CCDC88B: variants seen among roughly 807,000 people sequenced by gnomAD.
CCDC88B encodes coiled-coil domain-containing protein 88B.
A neutral mutation model predicts 183.7 loss-of-function variants in CCDC88B; 138 were observed. The ratio of observed to expected loss-of-function variants is 0.75; its 90% confidence interval spans 0.65 to 0.87. The LOEUF is 0.87. Among genes scored for constraint, CCDC88B ranks in the 40% least tolerant of loss-of-function variants. The pLI is 0.00. For missense variants in CCDC88B, 1,822 were observed against 1,965.6 expected (o/e 0.93, Z 1.38); for synonymous variants, 835 against 867.5 (o/e 0.96, Z 0.66).
intron 18 of CCDC88B, 107 bp from the exon 19 acceptor site, chr11:64,352,023 C>T: frequency 6.9e-7 from 1 of 1,446,456 alleles, no homozygotes; most frequent in Middle Eastern, 2.0e-4. Flanking sequence ...CTCCACAACT[C>T]TCTCATTGTC....
chr11:64,344,583 A>G lies in CCDC88B; in HGVS notation c.2042A>G (p.Glu681Gly), dbSNP rs142690973. Residue 681 changes from glutamate to glycine, a missense_variant, in exon 14 of 27, where the codon GAG becomes GGG. Glu to Gly is a moderately conservative substitution (Grantham distance 98). Transcript: ENST00000356786. This position sits in a 1 kb window ranked among gnomAD's most constrained non-coding sequence, Gnocchi z 4.5. ...DLATGQAEAR[E>G]HDQRLEGTVR... ...GCCACGGGACAAGCAGAGGCCAGAG[A>G]GCATGACCAGAGGCTGGAAGGGACG... is the stretch of plus-strand genomic sequence containing the variant. The G allele has an allele frequency of 1.9e-6, 3 of 1,609,284 alleles. No individual in the cohort carries two copies. Among genetic ancestry groups the G allele is most frequent in the Middle Eastern group, 1.6e-4 (1 of 6,074 alleles).
At position 64,343,602 on chromosome 11, in the gene CCDC88B, A is replaced by C; in HGVS notation, c.1305A>C (p.Gly435=). Residue 435 remains glycine, a synonymous_variant, in exon 12 of 27, where the codon GGA becomes GGC. Coordinates refer to ENST00000356786, the MANE Select transcript of CCDC88B (RefSeq NM_032251.6). ...AGCGGAGCTTGGAGCCACCTCCAGG[A>C]TCCCCTGGGGAGGGTGAGGGACCCC... The part of the protein sequence containing the change: ...ELQRSLEPPP[G]SPGEAPLAGA... The C allele has an allele frequency of 1.3e-6, 2 of 1,551,448 alleles. No individual in the cohort carries two copies. Among genetic ancestry groups the C allele is most frequent in the Non-Finnish European group, 1.7e-6 (2 of 1,146,906 alleles).
chr11:64,351,580 G>C lies in CCDC88B; in HGVS notation c.3063G>C (p.Gln1021His), dbSNP rs1565055321. ...GCCGTGCCCAGGAGCTGCTGCTGCAGAGCCAGCGGGCGCAGGAGCACAGCA... is the reference window on the plus strand; with the variant it reads ...GCCGTGCCCAGGAGCTGCTGCTGCACAGCCAGCGGGCGCAGGAGCACAGCA... The part of the protein sequence containing the change: ...LQGRAQELLL[Q>H]SQRAQEHSSR... The change falls in exon 18 of 27, where the codon CAG (glutamine) becomes CAC (histidine). Residue 1021 changes from glutamine to histidine, a missense_variant. Gln to His is a conservative substitution (Grantham distance 24, BLOSUM62 0). Coordinates refer to ENST00000356786, the MANE Select transcript of CCDC88B (RefSeq NM_032251.6). The C allele has an allele frequency of 1.9e-6, 3 of 1,564,562 alleles. No homozygotes were observed. The highest frequency in any genetic ancestry group is 2.6e-6 in the Non-Finnish European group (3 of 1,163,618).
chr11:64,343,115 G>T (rs1269138621), intron 10 of CCDC88B, 64 bp from the exon 11 acceptor site: 1 of 1,457,350 alleles, frequency 6.9e-7, no homozygotes, highest in Middle Eastern at 2.5e-4. Flanking sequence ...AGGAGTTTGG[G>T]ACCCTCAGGC....
rs1463276176 is a variant in CCDC88B at position 64,351,172 on chromosome 11, C to G, written c.2875C>G (p.Pro959Ala). Reference sequence around the variant, plus strand: ...ACTCTCCTTGCAGCTGCGCCAGGGCCCCGCGGGGCTGGGGCCCAAAAAGCG... The same window carrying G: ...ACTCTCCTTGCAGCTGCGCCAGGGCGCCGCGGGGCTGGGGCCCAAAAAGCG... ...EEELFQLRQG[P>A]AGLGPKKRAE... Residue 959 changes from proline (P) to alanine (A), a missense_variant, in exon 17 of 27, where the codon CCC becomes GCC. Pro to Ala is a conservative substitution (Grantham distance 27). Transcript: ENST00000356786. 6.7e-7 allele frequency: 1 copy of G among 1,485,654 alleles called. No homozygotes were observed. Among genetic ancestry groups the G allele is most frequent in the Non-Finnish European group, 8.9e-7 (1 of 1,120,882 alleles). The allele number at this position is 1,485,654 out of a possible 1,614,324, so 92.0% of individuals were successfully genotyped here.
In CCDC88B at chr11:64,357,189, C is replaced by A; in HGVS notation, c.*95C>A. The A allele has an allele frequency of 6.9e-7, 1 of 1,456,128 alleles. No homozygotes were observed. The highest frequency in any genetic ancestry group is 9.6e-7 in the Non-Finnish European group (1 of 1,036,904). The allele number at this position is 1,456,128 out of a possible 1,614,324, so 90.2% of individuals were successfully genotyped here. ...GCCCAAGAGCTCAGGGAGCCAGGGA[C>A]CCCAAGGGGAGTCCTTGGACAAGGA... On this transcript the variant is annotated 3_prime_UTR_variant, in exon 27 of 27. Coordinates refer to ENST00000356786, the MANE Select transcript of CCDC88B (RefSeq NM_032251.6).
Position 64,349,338 on chromosome 11 carries a change from A to G in CCDC88B, c.2624A>G (p.Glu875Gly). 1 of 1,607,724 alleles carries G rather than the reference A, an allele frequency of 6.2e-7. No individual in the cohort carries two copies. The highest frequency in any genetic ancestry group is 8.5e-7 in the Non-Finnish European group (1 of 1,177,640). ...TGCTCTGCTTGCCCTCAGGAGCTGG[A>G]GAAAGCTGTGGTGCGGGGCAAGGAG... ...REKEALQAEL[E>G]KAVVRGKELG... The change falls in exon 15 of 27, where the codon GAG becomes GGG. Residue 875 changes from glutamate (E) to glycine (G), a missense_variant. Physicochemically the swap from Glu to Gly is moderately conservative, Grantham distance 98 (BLOSUM62 -2). Coordinates refer to ENST00000356786, the MANE Select transcript of CCDC88B (RefSeq NM_032251.6).
Position 64,353,706 on chromosome 11 carries a change from T to C in CCDC88B, c.3834-9T>C, listed in dbSNP as rs2036432804. The stretch of plus-strand genomic sequence containing the variant: ...CTCACACCCACCTCTCCCTTCTCAC[T>C]CCTGCCAGGGACCAGCTTAATGCCC... On this transcript the variant is annotated splice_polypyrimidine_tract_variant and intron_variant, in intron 22 of 26. Transcript: ENST00000356786. The C allele has an allele frequency of 6.2e-7, 1 of 1,613,742 alleles. No homozygotes were observed. The highest frequency in any genetic ancestry group is 8.5e-7 in the Non-Finnish European group (1 of 1,179,852).
chr11:64,352,443 A>T, intron 19 of CCDC88B, 57 bp downstream of exon 19: 1 of 1,480,726 alleles, frequency 6.8e-7, no homozygotes, highest in Non-Finnish European at 9.0e-7. Flanking sequence ...GCCAGAGAAG[A>T]CTCCCCTCAG....
intron 14 of CCDC88B, among the ~76,000 whole-genome samples, chr11:64,348,518 G>A (rs2036206059): frequency 6.6e-6 from 1 of 152,204 alleles, no homozygotes; most frequent in Admixed American, 6.5e-5. Context: ...GTGCCTCATC[G>A]GACTTGTAGT....
chr11:64,343,850 T>C lies in CCDC88B; in HGVS notation c.1391T>C (p.Leu464Pro), dbSNP rs1401147685. ...REAEAGRLRT[L>P]ERENRELRGL... ...GCAGAGGCTGGGCGGCTTCGGACCC[T>C]TGAGAGGGAGAACCGGGAGCTTCGG... Residue 464 changes from leucine (L) to proline (P), a missense_variant, in exon 13 of 27, where the codon CTT becomes CCT. Physicochemically the swap from Leu to Pro is moderately conservative, Grantham distance 98. Coordinates refer to ENST00000356786, the MANE Select transcript of CCDC88B (RefSeq NM_032251.6). The C allele has an allele frequency of 1.9e-6, 3 of 1,602,988 alleles. No homozygotes were observed. The highest frequency in any genetic ancestry group is 2.6e-6 in the Non-Finnish European group (3 of 1,175,386).
chr11:64,355,993 C>A, intron 26 of CCDC88B: 1 of 163,016 alleles, frequency 6.1e-6, no homozygotes, highest in Non-Finnish European at 1.3e-5. Flanking sequence ...GTGTAAAAAT[C>A]ATGAATGAGC....
Position 64,357,377 on chromosome 11 carries a change from C to G in CCDC88B, c.*283C>G, listed in dbSNP as rs1489086670. ...TGAGGCAGCGGTCTCTGGGGGATCC[C>G]CCAGCTGAAGGAGGCTGGCAGGAGT... On this transcript the variant is annotated 3_prime_UTR_variant, in exon 27 of 27. Coordinates refer to ENST00000356786, the MANE Select transcript of CCDC88B (RefSeq NM_032251.6). 1.4e-6 allele frequency: 1 copy of G among 717,586 alleles called. No individual in the cohort carries two copies. The highest frequency in any genetic ancestry group is 2.6e-6 in the Non-Finnish European group (1 of 385,172). The allele number at this position is 717,586 out of a possible 1,614,324, so 44.5% of individuals were successfully genotyped here.
At chr11:64,352,095 T>C in intron 18 of CCDC88B, 35 bp from the exon 19 acceptor site, 1 of 1,516,646 alleles carries the variant, frequency 6.6e-7, no homozygotes, top group Non-Finnish European at 8.8e-7. Flanking sequence ...CAGGGGTTCC[T>C]CCCCAGCAGC....
intron 8 of CCDC88B, 61 bp from the exon 9 acceptor site, chr11:64,342,233 G>T: frequency 6.3e-7 from 1 of 1,578,214 alleles, no homozygotes; most frequent in Non-Finnish European, 8.6e-7. Flanking sequence ...GAGGGGTCAG[G>T]CCTGGGAAGG....
At position 64,352,247 on chromosome 11, in the gene CCDC88B, G is replaced by T. The variant is rs767593829; in HGVS notation, c.3217G>T (p.Ala1073Ser). Residue 1073 changes from alanine to serine, a missense_variant, in exon 19 of 27, where the codon GCC becomes TCC. Transcript: ENST00000356786. Reference protein sequence around the residue: ...SQEETRGQQQALLRDHKALAQ... With the variant: ...SQEETRGQQQSLLRDHKALAQ... The stretch of plus-strand genomic sequence containing the variant: ...GGAGGAGACCCGCGGGCAGCAGCAG[G>T]CCCTGCTTCGGGACCACAAGGCCCT... The T allele has an allele frequency of 6.2e-7, 1 of 1,605,752 alleles. No individual in the cohort carries two copies. Among genetic ancestry groups the T allele is most frequent in the Admixed American group, 1.7e-5 (1 of 58,750 alleles).
chr11:64,353,888 G>A, intron 23 of CCDC88B, 75 bp downstream of exon 23: 6 of 1,594,704 alleles, frequency 3.8e-6, no homozygotes, highest in Non-Finnish European at 5.2e-6. Flanking sequence ...CTGACCCCAG[G>A]CCCAGCTCAG....
chr11:64,342,176 GA>G, intron 8 of CCDC88B, 37 bp downstream of exon 8: 1 of 1,600,250 alleles, frequency 6.2e-7, no homozygotes, highest in Non-Finnish European at 8.5e-7. Context: ...ACTGAGTGGA[GA>G]GGGGCAGATT....
intron 18 of CCDC88B, 123 bp from the exon 19 acceptor site, chr11:64,352,007 T>G: frequency 7.3e-7 from 1 of 1,369,158 alleles, no homozygotes; most frequent in Non-Finnish European, 9.9e-7. Flanking sequence ...CCCAGCCCTT[T>G]GCCTCCTCCA....
Sources: gnomAD v4.1 joint callset for allele counts (sites outside exome capture counted in the v4.1 genomes callset) on GRCh38, gnomAD v4.1.1 for gene constraint, Gnocchi (gnomAD v3.1) non-coding constraint, MANE v1.5 for transcripts, NCBI Gene and HGNC (gene_info 2026-07-23, HGNC 2026-07-21) for gene names.